Variants in PTPRN2 observed in about 807,000 individuals in gnomAD.
PTPRN2 encodes the protein protein tyrosine phosphatase receptor type N2.
In PTPRN2, 74 loss-of-function variants were observed where a neutral mutation model predicts 118.8. The observed-to-expected ratio is 0.62, with a 90% CI of 0.52 to 0.76. The LOEUF (loss-of-function observed/expected upper bound fraction) is 0.76. PTPRN2 is among the 30% of genes least tolerant of loss of function. PTPRN2 has a pLI of 0.00. For synonymous variants in PTPRN2, 641 were observed against 608.0 expected, an observed-to-expected ratio of 1.05 and a Z score of -0.80; for missense variants, 1,481 against 1,394.4, an observed-to-expected ratio of 1.06 and a Z score of -0.99.
At chr7:157,669,419 G>GCA (rs1453230826) in intron 13 of PTPRN2, 40 of 409,342 alleles carry the variant, frequency 9.8e-5, no homozygotes, top group African/African-American at 2.4e-4. Flanking sequence ...ACACGTGTTT[G>GCA]CACGCGCACA....
intron 12 of PTPRN2, among the ~76,000 whole-genome samples, chr7:157,840,598 GC>G (rs1368182504): frequency 1.3e-5 from 2 of 152,234 alleles, no homozygotes; most frequent in Non-Finnish European, 2.9e-5. Flanking sequence ...GCCGGCTGAA[GC>G]CCACAGAGCA....
chr7:157,611,562 A>G lies in PTPRN2; in HGVS notation c.2345-7487T>C, dbSNP rs112059009. Reference sequence around the variant, plus strand: ...GACACACTGGAGTCCCAGCCCTGGGAACATGACCTTATTTGGAAATAGGGT... The same window carrying G: ...GACACACTGGAGTCCCAGCCCTGGGGACATGACCTTATTTGGAAATAGGGT... On this transcript the variant is annotated intron_variant, in intron 15 of 22. Transcript: ENST00000389418. This position sits in a 1 kb window ranked among gnomAD's most constrained non-coding sequence, Gnocchi z 5.9. Among the ~76,000 whole-genome samples, 87 of 152,248 alleles carry G rather than the reference A, an allele frequency of 5.7e-4. No homozygotes were observed. Among genetic ancestry groups the G allele is most frequent in the African/African-American group, 1.9e-3 (81 of 41,566 alleles).
At chr7:157,557,572 A>ACACG (rs780062067) in intron 21 of PTPRN2, among the ~76,000 whole-genome samples, 1 of 148,886 alleles carries the variant, frequency 6.7e-6, no homozygotes, top group Non-Finnish European at 1.5e-5. Flanking sequence ...ACACACACAC[A>ACACG]CTCTCCTGGG....
At chr7:158,071,001 A>C (rs1300048290) in intron 11 of PTPRN2, among the ~76,000 whole-genome samples, 9 of 42,942 alleles carry the variant, frequency 2.1e-4, no homozygotes, top group South Asian at 9.4e-4. Flanking sequence ...GGAGGTGCTC[A>C]TGGTGGTGGA....
intron 2 of PTPRN2, among the ~76,000 whole-genome samples, chr7:158,332,804 G>A (rs1380119201): frequency 2.4e-4 from 36 of 150,004 alleles, no homozygotes; most frequent in African/African-American, 7.7e-4. Flanking sequence ...GCCTGCAGAC[G>A]TCACTCACGT....
At chr7:158,332,445 A>T (rs1260282606) in intron 2 of PTPRN2, among the ~76,000 whole-genome samples, 1 of 150,274 alleles carries the variant, frequency 6.7e-6, no homozygotes, top group Non-Finnish European at 1.5e-5. Context: ...CGTCACTCAC[A>T]CCCACACTCT....
At chr7:158,377,735 G>A (rs892795325) in intron 2 of PTPRN2, among the ~76,000 whole-genome samples, 12 of 152,216 alleles carry the variant, frequency 7.9e-5, no homozygotes, top group Non-Finnish European at 1.6e-4. Flanking sequence ...CCAAATGTCC[G>A]CAGCTGGAGA....
chr7:157,981,037 C>A (rs1213605281), intron 11 of PTPRN2, among the ~76,000 whole-genome samples: 1 of 152,226 alleles, frequency 6.6e-6, no homozygotes, highest in Non-Finnish European at 1.5e-5. Flanking sequence ...CCCACACGGG[C>A]ACTGGTGATG....
intron 6 of PTPRN2, among the ~76,000 whole-genome samples, chr7:158,140,556 C>T (rs1054112343): frequency 8.5e-5 from 13 of 152,156 alleles, no homozygotes; most frequent in Non-Finnish European, 1.9e-4. Context: ...AGACCTAGAA[C>T]CAGTCAGGCT....
intron 9 of PTPRN2, 83 bp downstream of exon 9, chr7:158,133,594 A>C (rs1818551391): frequency 6.7e-7 from 1 of 1,491,082 alleles, no homozygotes; most frequent in African/African-American, 1.4e-5. Context: ...TGCATCCGCC[A>C]CAGCAAGGAG....
chr7:158,262,610 TG>T (rs2150930930), intron 3 of PTPRN2, among the ~76,000 whole-genome samples: 1 of 133,974 alleles, frequency 7.5e-6, no homozygotes, highest in Admixed American at 7.6e-5. Flanking sequence ...TCACACACAC[TG>T]CACACACACA....
At chr7:158,577,132 T>A (rs1251746823) in intron 1 of PTPRN2, among the ~76,000 whole-genome samples, 12 of 58,662 alleles carry the variant, frequency 2.0e-4, no homozygotes, top group East Asian at 1.2e-3. Context: ...CCAGCCCTCC[T>A]GAATGCCACA....
rs1806398648 is a variant in PTPRN2 at position 158,015,667 on chromosome 7, A to C, written c.1723+65631T>G. Reference sequence around the variant, plus strand: ...CTAAAGACAACTGATTTTTGCCAGTAGCAGAGAACGTACGAGGTCTTTCTT... The same window carrying C: ...CTAAAGACAACTGATTTTTGCCAGTCGCAGAGAACGTACGAGGTCTTTCTT... On this transcript the variant is annotated intron_variant, in intron 11 of 22. Transcript: ENST00000389418. This position sits in a 1 kb window ranked among gnomAD's most constrained non-coding sequence, Gnocchi z 4.2. Among the ~76,000 whole-genome samples the C allele has an allele frequency of 1.3e-5, 2 of 152,190 alleles. No individual in the cohort carries two copies. Among genetic ancestry groups the C allele is most frequent in the Non-Finnish European group, 2.9e-5 (2 of 68,038 alleles).
chr7:158,220,962 A>G (rs996714437), intron 3 of PTPRN2, among the ~76,000 whole-genome samples: 1 of 152,202 alleles, frequency 6.6e-6, no homozygotes, highest in Non-Finnish European at 1.5e-5. Context: ...CCTGACTTCA[A>G]AATATACTAT....
intron 12 of PTPRN2, among the ~76,000 whole-genome samples, chr7:157,754,018 A>G (rs1327592520): frequency 6.6e-6 from 1 of 152,040 alleles, no homozygotes; most frequent in Admixed American, 6.5e-5. Context: ...CCGCTCCCCT[A>G]TCTGAAGTGG....
At chr7:158,172,667 C>A (rs1023722801) in intron 5 of PTPRN2, among the ~76,000 whole-genome samples, 1 of 151,056 alleles carries the variant, frequency 6.6e-6, no homozygotes, top group Non-Finnish European at 1.5e-5. Flanking sequence ...CAGCAGCATC[C>A]CACCATCATC....
chr7:158,196,864 T>C (rs772092652), intron 4 of PTPRN2, among the ~76,000 whole-genome samples: 7 of 152,136 alleles, frequency 4.6e-5, no homozygotes, highest in South Asian at 2.1e-4. Context: ...ATCCTTCAAA[T>C]ACAAAGGTAG....
At chr7:158,013,282 T>C (rs189996727) in intron 11 of PTPRN2, among the ~76,000 whole-genome samples, 12 of 152,352 alleles carry the variant, frequency 7.9e-5, no homozygotes, top group African/African-American at 2.6e-4. Context: ...CTGCACAGAC[T>C]TGGCAAGTTT....
chr7:158,251,325 T>C (rs772958738), intron 3 of PTPRN2, among the ~76,000 whole-genome samples: 6 of 152,204 alleles, frequency 3.9e-5, no homozygotes, highest in Non-Finnish European at 2.9e-5. Context: ...TCCTCCTTAC[T>C]GCACGGATAT....
Sources: gnomAD v4.1 joint callset for allele counts (sites outside exome capture counted in the v4.1 genomes callset) on GRCh38, gnomAD v4.1.1 for gene constraint, Gnocchi (gnomAD v3.1) non-coding constraint, MANE v1.5 for transcripts, NCBI Gene and HGNC (gene_info 2026-07-23, HGNC 2026-07-21) for gene names.